TEX29: variants seen among roughly 807,000 people sequenced by gnomAD.
The protein encoded by TEX29 is testis expressed 29, also known as testis-expressed protein 29.
In TEX29, 26 loss-of-function variants were observed where a neutral mutation model predicts 18.2. That is an observed-to-expected ratio of 1.43 (90% CI 1.04 to 1.98). The LOEUF (loss-of-function observed/expected upper bound fraction) is 1.98, where lower values mean the gene tolerates loss of function less well. Among genes scored for constraint, TEX29 ranks in the 30% most tolerant of loss-of-function variants. TEX29 has a pLI of 0.00. For missense variants in TEX29, 177 were observed against 194.2 expected (o/e 0.91, Z 0.53); for synonymous variants, 83 against 78.5 (o/e 1.06, Z -0.31).
intron 3 of TEX29, chr13:111,339,586 C>CG: frequency 1.8e-6 from 1 of 547,964 alleles, no homozygotes; most frequent in South Asian, 2.0e-5. Context: ...CATGCACTCC[C>CG]GGGGGTCAGG....
chr13:111,319,917 T>C (rs1423960174), upstream of TEX29, among the ~76,000 whole-genome samples: 1 of 152,118 alleles, frequency 6.6e-6, no homozygotes, highest in Admixed American at 6.5e-5. Flanking sequence ...CACAGCAGAG[T>C]GATGCTGTGA....
intron 3 of TEX29, 140 bp downstream of exon 3, chr13:111,328,433 G>C: frequency 1.5e-6 from 1 of 647,360 alleles, no homozygotes; most frequent in East Asian, 2.8e-5. Context: ...CAACTCTTCT[G>C]CTCCGTCTTA....
At chr13:111,324,861 G>A (rs1008586116) in intron 2 of TEX29, among the ~76,000 whole-genome samples, 1 of 152,202 alleles carries the variant, frequency 6.6e-6, no homozygotes, top group Admixed American at 6.5e-5. Context: ...ACTTTCCATG[G>A]CCTTGGAGAA....
intron 3 of TEX29, among the ~76,000 whole-genome samples, chr13:111,338,034 CT>C (rs1285280525): frequency 6.6e-6 from 1 of 152,194 alleles, no homozygotes; most frequent in African/African-American, 2.4e-5. Context: ...TCATCCATTG[CT>C]GGTGGCCCTG....
upstream of TEX29, among the ~76,000 whole-genome samples, chr13:111,316,724 G>A (rs905925991): frequency 5.3e-5 from 8 of 152,210 alleles, no homozygotes; most frequent in African/African-American, 1.9e-4. Flanking sequence ...TGGCTGGGCT[G>A]AAATTGATGC....
intron 2 of TEX29, among the ~76,000 whole-genome samples, chr13:111,325,676 G>A (rs923335943): frequency 3.3e-5 from 5 of 152,214 alleles, no homozygotes; most frequent in East Asian, 1.9e-4. Context: ...TTGTGGAGGT[G>A]CGTGCAGGAA....
chr13:111,337,691 T>A (rs1469997206), intron 3 of TEX29, among the ~76,000 whole-genome samples: 3 of 151,688 alleles, frequency 2.0e-5, no homozygotes, highest in African/African-American at 7.3e-5. Flanking sequence ...CCCCACTGTT[T>A]CCCCTCCTCA....
At chr13:111,334,734 A>G (rs771179146) in intron 3 of TEX29, among the ~76,000 whole-genome samples, 2 of 152,252 alleles carry the variant, frequency 1.3e-5, no homozygotes, top group Non-Finnish European at 2.9e-5. Flanking sequence ...CTGATTATTT[A>G]TAACAAATGC....
At chr13:111,341,946 A>T (rs1349130707) in intron 4 of TEX29, among the ~76,000 whole-genome samples, 1 of 152,210 alleles carries the variant, frequency 6.6e-6, no homozygotes, top group Non-Finnish European at 1.5e-5. Context: ...TCAGGCTCCC[A>T]GTTGTCTCAG....
chr13:111,338,087 A>G (rs1437288974), intron 3 of TEX29, among the ~76,000 whole-genome samples: 1 of 151,574 alleles, frequency 6.6e-6, no homozygotes, highest in East Asian at 1.9e-4. Flanking sequence ...AAGCTGGCTC[A>G]TGTGCCCAGG....
chr13:111,326,590 G>T (rs1328077924), intron 2 of TEX29, among the ~76,000 whole-genome samples: 1 of 146,440 alleles, frequency 6.8e-6, no homozygotes, highest in Non-Finnish European at 1.5e-5. Context: ...TGGTCGGGTG[G>T]AAGAGACTGC....
At chr13:111,331,491 C>A (rs909581488) in intron 3 of TEX29, among the ~76,000 whole-genome samples, 1 of 151,990 alleles carries the variant, frequency 6.6e-6, no homozygotes, top group African/African-American at 2.4e-5. Flanking sequence ...CAAATACTTT[C>A]TATTATTCTC....
chr13:111,323,810 C>T (rs1258622875), intron 2 of TEX29, among the ~76,000 whole-genome samples: 5 of 152,232 alleles, frequency 3.3e-5, no homozygotes, highest in African/African-American at 1.2e-4. Context: ...CGAGCCTCTG[C>T]ACACACCATG....
chr13:111,331,566 G>A (rs752478433), intron 3 of TEX29, among the ~76,000 whole-genome samples: 2 of 151,934 alleles, frequency 1.3e-5, no homozygotes, highest in African/African-American at 2.4e-5. Flanking sequence ...TTTTTATGAA[G>A]TCCATTTTAT....
At chr13:111,328,498 G>A (rs947812803) in intron 3 of TEX29, among the ~76,000 whole-genome samples, 12 of 152,176 alleles carry the variant, frequency 7.9e-5, no homozygotes, top group Non-Finnish European at 2.9e-5. Flanking sequence ...TGAATGTGAC[G>A]TAAGCCACCA....
At chr13:111,320,551 C>T (rs538816910), upstream of TEX29, 40 of 397,846 alleles carry the variant, frequency 1.0e-4, 1 homozygote, top group South Asian at 1.0e-3. Flanking sequence ...CACACGGCTC[C>T]GAAGTCCTGT....
At chr13:111,343,184 C>T (rs111702632) in intron 5 of TEX29, among the ~76,000 whole-genome samples, 267 of 152,356 alleles carry the variant, frequency 1.8e-3, no homozygotes, top group African/African-American at 6.1e-3. Flanking sequence ...GCCTCCCTGT[C>T]ATTTCACCCT....
intron 2 of TEX29, among the ~76,000 whole-genome samples, chr13:111,323,746 C>T (rs2093668479): frequency 6.6e-6 from 1 of 152,082 alleles, no homozygotes; most frequent in Non-Finnish European, 1.5e-5. Flanking sequence ...GCCCTGCACG[C>T]CCCAGATCCC....
intron 3 of TEX29, among the ~76,000 whole-genome samples, chr13:111,334,768 G>A (rs184465048): frequency 4.9e-4 from 74 of 152,332 alleles, no homozygotes; most frequent in African/African-American, 1.7e-3. Context: ...TGTTCTCACC[G>A]AATGAGCTCA....
Sources: allele counts gnomAD v4.1 joint callset (sites outside exome capture counted in the v4.1 genomes callset), GRCh38; gene constraint gnomAD v4.1.1; transcripts MANE v1.5; gene names NCBI Gene and HGNC (gene_info 2026-07-23, HGNC 2026-07-21).